The following NECAB1 variants were observed in gnomAD, a reference collection of about 807,000 sequenced individuals.
NECAB1 encodes N-terminal EF-hand calcium-binding protein 1.
Under a neutral mutation model 57.5 loss-of-function variants are expected in NECAB1, and 29 were observed. That is an observed-to-expected ratio of 0.50 (90% CI 0.38 to 0.69). The LOEUF is 0.69. Ranked by LOEUF, NECAB1 falls within the 30% of genes least tolerant of loss-of-function variation. The pLI, the probability that NECAB1 is intolerant of heterozygous loss-of-function variation, is 0.00. For missense variants in NECAB1, 372 were observed against 413.8 expected (o/e 0.90, Z 0.88); for synonymous variants, 142 against 147.7 (o/e 0.96, Z 0.28).
chr8:90,796,367 T>C (rs532021805), intron 1 of NECAB1, among the ~76,000 whole-genome samples: 5 of 152,218 alleles, frequency 3.3e-5, no homozygotes, highest in Admixed American at 1.3e-4. Context: ...TCTTATATTC[T>C]AGTTTCTCAG....
intron 3 of NECAB1, among the ~76,000 whole-genome samples, chr8:90,857,488 G>A (rs1234935421): frequency 6.6e-6 from 1 of 152,052 alleles, no homozygotes; most frequent in Non-Finnish European, 1.5e-5. Context: ...AATTTTAGTG[G>A]CTAACCTCTC....
At chr8:90,793,041 C>T (rs1448713854) in intron 1 of NECAB1, among the ~76,000 whole-genome samples, 1 of 152,142 alleles carries the variant, frequency 6.6e-6, no homozygotes, top group Non-Finnish European at 1.5e-5. Flanking sequence ...GTCCTTTACC[C>T]TTCTCTGAGT....
chr8:90,812,981 G>C (rs1180204805), intron 2 of NECAB1: 1 of 152,172 alleles, frequency 6.6e-6, no homozygotes, highest in African/African-American at 2.4e-5. Flanking sequence ...GAGGTCAGGA[G>C]TTTGAGACCA....
intron 3 of NECAB1, among the ~76,000 whole-genome samples, chr8:90,857,683 G>C (rs6471256): frequency 0.46 from 70,019 of 151,700 alleles, 19,580 homozygotes; most frequent in East Asian, 0.77. Context: ...TTTTAACCTT[G>C]GTACCAAGCT....
chr8:90,906,147 G>A (rs1016682171), intron 5 of NECAB1, among the ~76,000 whole-genome samples: 3 of 152,020 alleles, frequency 2.0e-5, no homozygotes, highest in African/African-American at 7.2e-5. Flanking sequence ...ATTTCTTTAC[G>A]GAGAATATGT....
intron 5 of NECAB1, among the ~76,000 whole-genome samples, chr8:90,916,953 A>G (rs893016708): frequency 6.6e-6 from 1 of 152,156 alleles, no homozygotes; most frequent in African/African-American, 2.4e-5. Context: ...AAATACTCCA[A>G]TCCTAACATT....
rs193048002 is a variant in NECAB1, at chr8:90,873,018, T to A, written c.259+865T>A. On this transcript the variant is annotated intron_variant, in intron 4 of 12. Coordinates refer to ENST00000417640, the MANE Select transcript of NECAB1 (RefSeq NM_022351.5). ...CATAAAAAAAGGCCATTTTCTTATA[T>A]TCAAGAGTGGTTATTTTCCATTTCA... Among the ~76,000 whole-genome samples, 283 of 152,282 alleles carry A rather than the reference T, an allele frequency of 1.9e-3. 2 individuals are homozygous for A. The highest frequency in any genetic ancestry group is 0.01 in the Middle Eastern group (3 of 294).
intron 5 of NECAB1, among the ~76,000 whole-genome samples, chr8:90,909,092 T>C (rs1269261726): frequency 1.3e-5 from 2 of 152,126 alleles, no homozygotes; most frequent in Non-Finnish European, 1.5e-5. Context: ...TTGCTAGAAA[T>C]TGTCAGCTAA....
intron 3 of NECAB1, among the ~76,000 whole-genome samples, chr8:90,865,226 T>C (rs1808491488): frequency 6.6e-6 from 1 of 152,112 alleles, no homozygotes; most frequent in Non-Finnish European, 1.5e-5. Context: ...AATAAGATGA[T>C]ATGTTTTTCC....
chr8:90,894,740 A>C (rs553128675), intron 5 of NECAB1, among the ~76,000 whole-genome samples: 33 of 152,336 alleles, frequency 2.2e-4, no homozygotes, highest in Non-Finnish European at 2.8e-4. Flanking sequence ...TTACAACAAC[A>C]ACCAAAATAT....
intron 3 of NECAB1, among the ~76,000 whole-genome samples, chr8:90,858,311 G>A (rs1812831713): frequency 6.6e-6 from 1 of 152,136 alleles, no homozygotes; most frequent in Non-Finnish European, 1.5e-5. Flanking sequence ...AGAGAAATGT[G>A]AGTAATCCAA....
intron 4 of NECAB1, among the ~76,000 whole-genome samples, chr8:90,879,886 A>T (rs756093011): frequency 2.0e-5 from 3 of 152,156 alleles, no homozygotes; most frequent in Non-Finnish European, 4.4e-5. Flanking sequence ...TAAGGAATGC[A>T]TTTTACTTTT....
intron 6 of NECAB1, among the ~76,000 whole-genome samples, chr8:90,924,444 A>C (rs760872637): frequency 1.3e-5 from 2 of 152,188 alleles, no homozygotes; most frequent in Non-Finnish European, 2.9e-5. Context: ...TAGCTGATAG[A>C]TAATGAAAAT....
At chr8:90,934,651 AT>A in intron 9 of NECAB1, among the ~76,000 whole-genome samples, 1 of 152,160 alleles carries the variant, frequency 6.6e-6, no homozygotes. Flanking sequence ...GAAGGGCAAC[AT>A]TTAAGTTGTA....
chr8:90,923,190 T>C (rs1810170661), intron 6 of NECAB1, among the ~76,000 whole-genome samples: 1 of 152,132 alleles, frequency 6.6e-6, no homozygotes, highest in Non-Finnish European at 1.5e-5. Flanking sequence ...CCCAGTGCTA[T>C]ATAGTGACTG....
chr8:90,904,962 A>T (rs903532624), intron 5 of NECAB1, among the ~76,000 whole-genome samples: 2 of 152,224 alleles, frequency 1.3e-5, no homozygotes, highest in African/African-American at 4.8e-5. Flanking sequence ...GTAAAAATTT[A>T]AGTTTTAGTA....
At chr8:90,896,890 C>G (rs966151936) in intron 5 of NECAB1, among the ~76,000 whole-genome samples, 1 of 152,194 alleles carries the variant, frequency 6.6e-6, no homozygotes, top group African/African-American at 2.4e-5. Flanking sequence ...ACTTCATTCT[C>G]TTTAAATTAG....
At chr8:90,863,407 T>G (rs1325628017) in intron 3 of NECAB1, among the ~76,000 whole-genome samples, 2 of 152,160 alleles carry the variant, frequency 1.3e-5, no homozygotes, top group Non-Finnish European at 2.9e-5. Flanking sequence ...TTTCCTATTC[T>G]CTAAAGTAAC....
chr8:90,843,590 C>G (rs1004779082), intron 3 of NECAB1, among the ~76,000 whole-genome samples: 1 of 152,162 alleles, frequency 6.6e-6, no homozygotes, highest in Non-Finnish European at 1.5e-5. Context: ...CGCTCATCCG[C>G]CAGAACAGTG....
Sources: gnomAD v4.1 joint callset for allele counts (sites outside exome capture counted in the v4.1 genomes callset) on GRCh38, gnomAD v4.1.1 for gene constraint, MANE v1.5 for transcripts, NCBI Gene and HGNC (gene_info 2026-07-23, HGNC 2026-07-21) for gene names.